ZNF140: variants seen among roughly 807,000 people sequenced by gnomAD.
ZNF140 encodes zinc finger protein 140.
ZNF140 carries 13 observed loss-of-function variants against 12.9 expected under a neutral mutation model. The ratio of observed to expected loss-of-function variants is 1.01; its 90% CI spans 0.66 to 1.60. ZNF140 has a LOEUF of 1.60. ZNF140 is among the 40% of genes most tolerant of loss of function. ZNF140 has a pLI of 0.00. For synonymous variants in ZNF140, 214 were observed against 186.7 expected (o/e 1.15, Z -1.19); for missense variants, 531 against 548.8 (o/e 0.97, Z 0.32).
chr12:133,081,193 A>G (rs2137470034), intron 1 of ZNF140, 80 bp from the exon 2 acceptor site: 3 of 565,322 alleles, frequency 5.3e-6, no homozygotes, highest in East Asian at 4.0e-5. Flanking sequence ...GGGCCACGGG[A>G]ATCCCCAGTG....
At chr12:133,086,790 C>T (rs1411968213) in intron 4 of ZNF140, among the ~76,000 whole-genome samples, 8 of 152,234 alleles carry the variant, frequency 5.3e-5, no homozygotes, top group African/African-American at 1.2e-4. Flanking sequence ...ATTCACATTT[C>T]GATCCATCGT....
In ZNF140 at chr12:133,106,461, G is replaced by A; in HGVS notation, c.1184G>A (p.Ser395Asn). 1 of 1,614,056 alleles carries A rather than the reference G, an allele frequency of 6.2e-7. No homozygotes were observed. Among genetic ancestry groups the A allele is most frequent in the Non-Finnish European group, 8.5e-7 (1 of 1,180,004 alleles). The change falls in exon 5 of 5, where the codon AGC becomes AAC. Residue 395 changes from serine (S) to asparagine (N), a missense_variant. Physicochemically the swap from Ser to Asn is conservative, Grantham distance 46 (BLOSUM62 1). Coordinates refer to ENST00000355557, the MANE Select transcript of ZNF140 (RefSeq NM_003440.4). ...YACAECDKAF[S>N]RSFSLILHQR... ...TGTGCTGAATGTGATAAAGCCTTCA[G>A]CCGGAGCTTTTCCCTCATTCTACAT...
intron 4 of ZNF140, chr12:133,084,144 G>A (rs1185993560): frequency 2.3e-6 from 1 of 436,124 alleles, no homozygotes; most frequent in East Asian, 7.3e-5. Context: ...TGTTAGTTCT[G>A]TCTGGTCTCT....
At chr12:133,096,897 G>A (rs1955150259) in intron 4 of ZNF140, among the ~76,000 whole-genome samples, 1 of 152,224 alleles carries the variant, frequency 6.6e-6, no homozygotes. Context: ...AAGTTCAGCT[G>A]TGTTCTTAAC....
chr12:133,095,433 C>G (rs1333332247), intron 4 of ZNF140, among the ~76,000 whole-genome samples: 2 of 150,786 alleles, frequency 1.3e-5, no homozygotes, highest in Non-Finnish European at 2.9e-5. Flanking sequence ...TCTTAGCATA[C>G]CTTCACCCTA....
rs930217827 is a variant in ZNF140 at position 133,107,116 on chromosome 12, TACAA to T, written c.*469_*472del. 1 of 153,372 alleles carries T rather than the reference TACAA, an allele frequency of 6.5e-6. No homozygotes were observed. Among genetic ancestry groups the T allele is most frequent in the Non-Finnish European group, 1.5e-5 (1 of 68,880 alleles). 9.5% of individuals were successfully genotyped at this position (153,372 alleles called of 1,614,324 possible). A position where few individuals can be genotyped will look rare whatever the true frequency, so the allele number is the denominator to read the frequency against. On this transcript the variant is annotated 3_prime_UTR_variant, in exon 5 of 5. Transcript: ENST00000355557. ...GAAAATTCATATTTAAGCAAAGTGATACAAACACAGTGATTTGGGAATGCCTTCA... is the reference window on the plus strand; with the variant it reads ...GAAAATTCATATTTAAGCAAAGTGATACACAGTGATTTGGGAATGCCTTCA...
intron 4 of ZNF140, chr12:133,093,631 C>G (rs1954970917): frequency 1.6e-6 from 1 of 608,500 alleles, no homozygotes; most frequent in Non-Finnish European, 2.9e-6. Flanking sequence ...ATTAGTTTTC[C>G]CTCATGTGGG....
Position 133,091,472 on chromosome 12 carries a change from A to G in ZNF140, c.232+7911A>G, listed in dbSNP as rs1013072745. On this transcript the variant is annotated intron_variant, in intron 4 of 4. Coordinates refer to ENST00000355557, the MANE Select transcript of ZNF140 (RefSeq NM_003440.4). ...ATTGTTTAAAGTACAGGTCTTTTTCAAAATGGAGTCTCTTATGTCTTCCCT... is the reference window on the plus strand; with the variant it reads ...ATTGTTTAAAGTACAGGTCTTTTTCGAAATGGAGTCTCTTATGTCTTCCCT... Among the ~76,000 whole-genome samples, 35 of 151,246 alleles carry G rather than the reference A, an allele frequency of 2.3e-4. 1 individual carries two copies. The East Asian group carries it at 6.6e-3, about 29-fold the overall frequency.
At position 133,100,162 on chromosome 12, in the gene ZNF140, T is replaced by G. The variant is rs1320559670; in HGVS notation, c.233-5348T>G. Among the ~76,000 whole-genome samples, 260 of 76,358 alleles carry G rather than the reference T, an allele frequency of 3.4e-3. 2 individuals carry two copies. The highest frequency in any genetic ancestry group is 0.017 in the African/African-American group (251 of 14,960). The allele number at this position is 76,358 out of a possible 152,430, so 50.1% of individuals were successfully genotyped here. A position where few individuals can be genotyped will look rare whatever the true frequency, so the allele number is the denominator to read the frequency against. ...TCCAAAAATTTAATGCCTTTTCCGT[T>G]TTTTTTTTTTTTTTTTTTTTTTTTT... On this transcript the variant is annotated intron_variant, in intron 4 of 4. Coordinates refer to ENST00000355557, the MANE Select transcript of ZNF140 (RefSeq NM_003440.4).
At chr12:133,081,843 AG>A (rs755813733) in intron 2 of ZNF140, 1 of 231,942 alleles carries the variant, frequency 4.3e-6, no homozygotes, top group East Asian at 1.6e-4. Context: ...TGGTTCCCAC[AG>A]TGTGATCCTT....
In ZNF140 at chr12:133,091,142, T is replaced by C. The variant is rs893136239; in HGVS notation, c.232+7581T>C. Among the ~76,000 whole-genome samples, 994 of 149,692 alleles carry C rather than the reference T, an allele frequency of 6.6e-3. 27 individuals are homozygous for C. Among genetic ancestry groups the C allele is most frequent in the Middle Eastern group, 0.014 (4 of 288 alleles). On this transcript the variant is annotated intron_variant, in intron 4 of 4. Coordinates refer to ENST00000355557, the MANE Select transcript of ZNF140 (RefSeq NM_003440.4). ...TGTCGGGCTGGGGGACGGTCAGGTCTTTCTCATCCCACGAGGCCATATTTC... is the reference window on the plus strand; with the variant it reads ...TGTCGGGCTGGGGGACGGTCAGGTCCTTCTCATCCCACGAGGCCATATTTC...
chr12:133,084,084 C>G, intron 4 of ZNF140: 1 of 404,972 alleles, frequency 2.5e-6, no homozygotes, highest in East Asian at 7.6e-5. Context: ...TCGACCAGTT[C>G]TCACCTTATA....
chr12:133,105,556 C>A lies in ZNF140; in HGVS notation c.279C>A (p.Val93=). The change falls in exon 5 of 5, where the codon GTC becomes GTA. Residue 93 remains valine, a synonymous_variant. Coordinates refer to ENST00000355557, the MANE Select transcript of ZNF140 (RefSeq NM_003440.4). ...TCAAAGACTTTTCACCAAAAAATGT[C>A]ATTTATGATGACTCATCCCAGTATT... ...GEIKDFSPKN[V]IYDDSSQYLI... is the part of the protein sequence containing the mutation. 6.2e-7 allele frequency: 1 copy of A among 1,611,696 alleles called. No individual in the cohort carries two copies. The highest frequency in any genetic ancestry group is 1.1e-5 in the South Asian group (1 of 90,480).
chr12:133,096,002 A>G (rs1185180474), intron 4 of ZNF140, among the ~76,000 whole-genome samples: 31 of 151,162 alleles, frequency 2.1e-4, no homozygotes, highest in African/African-American at 6.3e-4. Context: ...TCTCAACTGC[A>G]AGAGGCTTTC....
intron 4 of ZNF140, among the ~76,000 whole-genome samples, chr12:133,093,799 CCT>C (rs373925973): frequency 5.3e-5 from 8 of 149,630 alleles, no homozygotes; most frequent in Admixed American, 4.0e-4. Flanking sequence ...TCTCTCTCTT[CCT>C]CTCTCTCTCT....
rs1566328522 is a variant in ZNF140, at chr12:133,106,798, A to AG, written c.*148dup. Reference sequence around the variant, plus strand: ...GCCCACACTTTATTCACCACCCTGGAGAAAAAAAAACCCAGGAATATGTGG... The same window carrying AG: ...GCCCACACTTTATTCACCACCCTGGAGGAAAAAAAAACCCAGGAATATGTGG... On this transcript the variant is annotated 3_prime_UTR_variant, in exon 5 of 5. Transcript: ENST00000355557. 2 of 654,162 alleles carry AG rather than the reference A, an allele frequency of 3.1e-6. No homozygotes were observed. Among genetic ancestry groups the AG allele is most frequent in the Admixed American group, 3.7e-5 (1 of 26,842 alleles). 40.5% of individuals were successfully genotyped at this position (654,162 alleles called of 1,614,324 possible). A position where few individuals can be genotyped will look rare whatever the true frequency, so the allele number is the denominator to read the frequency against.
In ZNF140 at chr12:133,107,378, T is replaced by C. The variant is rs1955637309; in HGVS notation, c.*727T>C. The C allele has an allele frequency of 6.6e-6, 1 of 152,210 alleles. No homozygotes were observed. 9.4% of individuals were successfully genotyped at this position (152,210 alleles called of 1,614,324 possible). A position where few individuals can be genotyped will look rare whatever the true frequency, so the allele number is the denominator to read the frequency against. On this transcript the variant is annotated 3_prime_UTR_variant, in exon 5 of 5. Transcript: ENST00000355557. ...AGGGAAGGGGGATTCCTTTTTGTTT[T>C]TTAAGTGAATTCAGAAAATGTTATA...
At chr12:133,105,440 A>G (rs1955556331) in intron 4 of ZNF140, 70 bp from the exon 5 acceptor site, 1 of 1,433,940 alleles carries the variant, frequency 7.0e-7, no homozygotes. Flanking sequence ...TTGCTAAAGA[A>G]GGGAGAAATG....
chr12:133,102,782 A>T (rs1162554828), intron 4 of ZNF140, among the ~76,000 whole-genome samples: 2 of 151,500 alleles, frequency 1.3e-5, no homozygotes, highest in African/African-American at 2.4e-5. Context: ...GAAACCTTCT[A>T]TCTATAGGCT....
Sources: allele counts gnomAD v4.1 joint callset (sites outside exome capture counted in the v4.1 genomes callset), GRCh38; gene constraint gnomAD v4.1.1; transcripts MANE v1.5; gene names NCBI Gene and HGNC (gene_info 2026-07-23, HGNC 2026-07-21).